TGIF1: variants seen among roughly 807,000 people sequenced by gnomAD.
TGIF1 encodes homeobox protein TGIF1.
TGIF1 carries 4 observed loss-of-function variants against 19.3 expected under a neutral mutation model. That is an observed-to-expected ratio of 0.21 (90% confidence interval 0.10 to 0.47). The LOEUF is 0.47. TGIF1 is among the 20% of genes least tolerant of loss of function. The pLI is 0.98. For synonymous variants in TGIF1, 122 were observed against 129.3 expected, an observed-to-expected ratio of 0.94 and a Z score of 0.38; for missense variants, 275 against 341.4, an observed-to-expected ratio of 0.81 and a Z score of 1.53.
In TGIF1 at chr18:3,450,474, G is replaced by C. The variant is rs1383132853; in HGVS notation, c.-16G>C. Reference sequence around the variant, plus strand: ...CAGACCCCCGCCTTGCCTCGCGCTGGGAGGGGAGATCCAGAATGAAAGGCA... The same window carrying C: ...CAGACCCCCGCCTTGCCTCGCGCTGCGAGGGGAGATCCAGAATGAAAGGCA... On this transcript the variant is annotated 5_prime_UTR_variant, in exon 1 of 3. Coordinates refer to ENST00000343820, the MANE Select transcript of TGIF1 (RefSeq NM_003244.4). The C allele has an allele frequency of 3.2e-6, 5 of 1,558,506 alleles. No homozygotes were observed. The highest frequency in any genetic ancestry group is 3.9e-5 in the Admixed American group (2 of 51,878).
chr18:3,444,247 T>G (rs1273500103), intron 2 of TGIF1, among the ~76,000 whole-genome samples: 4 of 151,994 alleles, frequency 2.6e-5, no homozygotes, highest in Non-Finnish European at 4.4e-5. Flanking sequence ...CCGGCCTGTA[T>G]TCTTATTTTA....
At position 3,457,820 on chromosome 18, in the gene TGIF1, C is replaced by T. The variant is rs1002624449; in HGVS notation, c.699C>T (p.Phe233=). Residue 233 remains phenylalanine (F), a synonymous_variant, in exon 3 of 3, where the codon TTC becomes TTT. Transcript: ENST00000343820. This position sits in a 1 kb window ranked among gnomAD's most constrained non-coding sequence, Gnocchi z 4.9. ...GPSTNTQSGL[F]NTPPPTPPDL... is the part of the protein sequence containing the mutation. ...GTACGAATACACAGAGTGGTCTTTTCAACACTCCTCCCCCTACTCCACCGG... is the reference window on the plus strand; with the variant it reads ...GTACGAATACACAGAGTGGTCTTTTTAACACTCCTCCCCCTACTCCACCGG... 8.1e-6 allele frequency: 13 copies of T among 1,613,048 alleles called. No individual in the cohort carries two copies. The highest frequency in any genetic ancestry group is 9.3e-6 in the Non-Finnish European group (11 of 1,180,014).
At chr18:3,412,426 G>A (rs1435469925) in intron 1 of TGIF1, among the ~76,000 whole-genome samples, 1 of 152,316 alleles carries the variant, frequency 6.6e-6, no homozygotes, top group South Asian at 2.1e-4. Context: ...ACTGAAACAA[G>A]CCTGTATCAA....
At chr18:3,420,699 G>T (rs2082388756) in intron 2 of TGIF1, among the ~76,000 whole-genome samples, 1 of 152,172 alleles carries the variant, frequency 6.6e-6, no homozygotes, top group Non-Finnish European at 1.5e-5. Flanking sequence ...GAAAGCTATG[G>T]TAGCTATGTT....
chr18:3,449,803 A>G (rs2082842643), upstream of TGIF1: 2 of 984,760 alleles, frequency 2.0e-6, no homozygotes, highest in South Asian at 9.4e-5. Flanking sequence ...GGGGTGGAGG[A>G]GGGAAGGAGG....
chr18:3,426,863 A>G (rs1368844672), intron 2 of TGIF1, among the ~76,000 whole-genome samples: 1 of 152,052 alleles, frequency 6.6e-6, no homozygotes, highest in Non-Finnish European at 1.5e-5. Flanking sequence ...AAACCATGGT[A>G]CAGCCAAGCA....
Position 3,458,498 on chromosome 18 carries a change from GGGGT to G in TGIF1, c.*559_*562del, listed in dbSNP as rs2049435202. On this transcript the variant is annotated 3_prime_UTR_variant, in exon 3 of 3. Coordinates refer to ENST00000343820, the MANE Select transcript of TGIF1 (RefSeq NM_003244.4). ...GCACCCCAGTGAGCAGGAAGCTGGGGGGGTAGGGTGCAGTGTTAGGGGGTGTCAC... is the reference window on the plus strand; with the variant it reads ...GCACCCCAGTGAGCAGGAAGCTGGGGAGGGTGCAGTGTTAGGGGGTGTCAC... The G allele has an allele frequency of 6.2e-6, 1 of 162,568 alleles. No individual in the cohort carries two copies. The allele number at this position is 162,568 out of a possible 1,614,324, so 10.1% of individuals were successfully genotyped here. A position where few individuals can be genotyped will look rare whatever the true frequency, so the allele number is the denominator to read the frequency against.
chr18:3,425,131 T>C (rs1169676581), intron 2 of TGIF1, among the ~76,000 whole-genome samples: 1 of 152,240 alleles, frequency 6.6e-6, no homozygotes, highest in Non-Finnish European at 1.5e-5. Context: ...GGTTTGATGC[T>C]ACCTTCAGGT....
At chr18:3,422,836 A>T (rs1197389022) in intron 2 of TGIF1, among the ~76,000 whole-genome samples, 1 of 150,736 alleles carries the variant, frequency 6.6e-6, no homozygotes, top group Non-Finnish European at 1.5e-5. Context: ...GACTACAGGC[A>T]CCCGCCACCA....
Position 3,458,032 on chromosome 18 carries a change from A to G in TGIF1, c.*92A>G. On this transcript the variant is annotated 3_prime_UTR_variant, in exon 3 of 3. Transcript: ENST00000343820. ...GCATTATTTTATATATTTTTTATTA[A>G]TATTTGCACATGGGATTGCTAAAAC... 8.5e-7 allele frequency: 1 copy of G among 1,176,666 alleles called. No individual in the cohort carries two copies. Among genetic ancestry groups the G allele is most frequent in the Admixed American group, 2.1e-5 (1 of 48,604 alleles). 72.9% of individuals were successfully genotyped at this position (1,176,666 alleles called of 1,614,324 possible). A position where few individuals can be genotyped will look rare whatever the true frequency, so the allele number is the denominator to read the frequency against.
chr18:3,449,426 G>C, upstream of TGIF1: 2 of 985,452 alleles, frequency 2.0e-6, no homozygotes, highest in Non-Finnish European at 1.2e-6. Context: ...ATGTGAGCGT[G>C]ACAAGTGTCT....
chr18:3,422,673 C>CTTTT lies in TGIF1; in HGVS notation c.-45+4490_-45+4493dup, dbSNP rs869116407. 1.6e-4 allele frequency among the ~76,000 whole-genome samples: 4 copies of CTTTT among 24,630 alleles called. 1 individual carries two copies. The highest frequency in any genetic ancestry group is 4.9e-4 in the Non-Finnish European group (3 of 6,118). 16.2% of individuals were successfully genotyped at this position (24,630 alleles called of 152,430 possible). On this transcript the variant is annotated intron_variant, in intron 2 of 3. Coordinates refer to the TGIF1 transcript ENST00000401449. Reference sequence around the variant, plus strand: ...ATGTTAAGTGCCCTATATAGGTGGCCTTTTTTTTTTTTTTTTTTTTTTTTT... The same window carrying CTTTT: ...ATGTTAAGTGCCCTATATAGGTGGCCTTTTTTTTTTTTTTTTTTTTTTTTTTTTT...
upstream of TGIF1, among the ~76,000 whole-genome samples, chr18:3,445,629 CAGGAGAATGGCGTGAA>C (rs1350156212): frequency 2.4e-4 from 34 of 141,770 alleles, no homozygotes; most frequent in Non-Finnish European, 6.0e-5. Context: ...GAGGCTGAGG[CAGGAGAATGGCGTGAA>C]CCCAGGAGGC....
At chr18:3,453,766 G>C (rs1033903432) in intron 1 of TGIF1, 22 of 984,424 alleles carry the variant, frequency 2.2e-5, no homozygotes, top group Non-Finnish European at 2.7e-5. Flanking sequence ...CCATGTTGTG[G>C]CTTTCTCCAC....
intron 2 of TGIF1, among the ~76,000 whole-genome samples, chr18:3,432,571 A>G (rs1412250925): frequency 2.6e-5 from 4 of 152,218 alleles, no homozygotes; most frequent in Admixed American, 6.5e-5. Context: ...TATTTAGGGC[A>G]CAAAGGGCAA....
At chr18:3,435,657 T>G (rs1038434059) in intron 2 of TGIF1, among the ~76,000 whole-genome samples, 3 of 152,202 alleles carry the variant, frequency 2.0e-5, no homozygotes, top group Non-Finnish European at 4.4e-5. Context: ...TTTTGAGGTT[T>G]CCCTTTTGCT....
upstream of TGIF1, chr18:3,447,971 G>T: frequency 3.3e-6 from 3 of 905,040 alleles, no homozygotes; most frequent in Non-Finnish European, 4.0e-6. Flanking sequence ...CCACTTGGAC[G>T]AAAGCAAAGC....
intron 2 of TGIF1, among the ~76,000 whole-genome samples, chr18:3,419,180 T>G (rs1446714216): frequency 6.6e-6 from 1 of 152,174 alleles, no homozygotes. Flanking sequence ...GATTAAAGCA[T>G]ATAAGTTAAG....
In TGIF1 at chr18:3,456,076, T is replaced by C; in HGVS notation, c.17-278T>C. 1 of 486,150 alleles carries C rather than the reference T, an allele frequency of 2.1e-6. No individual in the cohort carries two copies. The allele number at this position is 486,150 out of a possible 1,614,324, so 30.1% of individuals were successfully genotyped here. A position where few individuals can be genotyped will look rare whatever the true frequency, so the allele number is the denominator to read the frequency against. On this transcript the variant is annotated intron_variant, in intron 1 of 2. Transcript: ENST00000343820. The surrounding 1 kb of genome is among the most constrained non-coding windows in gnomAD (Gnocchi z 4.2). ...CTCCTCCAATGATTAGACGAAAGAG[T>C]TTTCTGACCATCATTCAAAAGGAAT... is the stretch of plus-strand genomic sequence containing the variant.
Sources: gnomAD v4.1 joint callset for allele counts (sites outside exome capture counted in the v4.1 genomes callset) on GRCh38, gnomAD v4.1.1 for gene constraint, Gnocchi (gnomAD v3.1) non-coding constraint, MANE v1.5 for transcripts, NCBI Gene and HGNC (gene_info 2026-07-23, HGNC 2026-07-21) for gene names.